The following NEDD9 variants were observed in gnomAD, a reference collection of about 807,000 sequenced individuals.
The protein encoded by NEDD9 is enhancer of filamentation 1.
Under a neutral mutation model 76.6 loss-of-function variants are expected in NEDD9, and 26 were observed. That is an observed-to-expected ratio of 0.34 (90% CI 0.25 to 0.47). NEDD9 has a LOEUF of 0.47. NEDD9 is among the 20% of genes least tolerant of loss of function. The pLI is 1.00. For missense variants in NEDD9, 937 were observed against 1,058.5 expected (o/e 0.89, Z 1.59); for synonymous variants, 392 against 414.2 (o/e 0.95, Z 0.65).
rs553573350 is a variant in NEDD9, at chr6:11,338,904, G to A, written c.-213-4343C>T. On this transcript the variant is annotated intron_variant, in intron 1 of 3. Coordinates refer to the NEDD9 transcript ENST00000397378. ...GCCACTGTACTCCAGCCTGGCGACA[G>A]AGCGAGACTCTGTCTCAAAAAAAAA... Among the ~76,000 whole-genome samples, 4 of 146,976 alleles carry A rather than the reference G, an allele frequency of 2.7e-5. No homozygotes were observed. The East Asian group carries it at 7.9e-4, about 29-fold the overall frequency.
intron 3 of NEDD9, among the ~76,000 whole-genome samples, chr6:11,288,203 C>G (rs939459712): frequency 2.0e-5 from 3 of 152,194 alleles, no homozygotes; most frequent in Non-Finnish European, 4.4e-5. Context: ...GGCGTGTGGC[C>G]TGGGGTGTTG....
In NEDD9 at chr6:11,190,824, G is replaced by C; in HGVS notation, c.1045C>G (p.Leu349Val). 1 of 1,614,182 alleles carries C rather than the reference G, an allele frequency of 6.2e-7. No homozygotes were observed. The highest frequency in any genetic ancestry group is 8.5e-7 in the Non-Finnish European group (1 of 1,180,036). ...CCTTTAGCATCTGGCGGGTTATGCA[G>C]AGGGACATCATAAACACCATCCCTT... is the stretch of plus-strand genomic sequence containing the variant. ...QERDGVYDVP[L>V]HNPPDAKGSR... Residue 349 changes from leucine (L) to valine (V), a missense_variant, in exon 5 of 7, where the codon CTG becomes GTG. Transcript: ENST00000379446. The surrounding 1 kb of genome is among the most constrained non-coding windows in gnomAD (Gnocchi z 5.8).
intron 3 of NEDD9, among the ~76,000 whole-genome samples, chr6:11,267,595 G>A (rs1760223581): frequency 6.6e-6 from 1 of 152,076 alleles, no homozygotes; most frequent in Non-Finnish European, 1.5e-5. Context: ...TATGCTGATT[G>A]CTGCATATAT....
chr6:11,376,948 C>T (rs1422348766), intron 1 of NEDD9, among the ~76,000 whole-genome samples: 1 of 152,232 alleles, frequency 6.6e-6, no homozygotes, highest in Non-Finnish European at 1.5e-5. Context: ...TCAGCCTCAG[C>T]TCAAAGGGGC....
chr6:11,291,475 C>T lies in NEDD9; in HGVS notation c.12+14517G>A, dbSNP rs534223435. On this transcript the variant is annotated intron_variant, in intron 3 of 3. Transcript: ENST00000397378. The stretch of plus-strand genomic sequence containing the variant: ...ATTTTTAGTAGAGACGGGGTTTCAC[C>T]GTAGTAGCCAGGATGGTCTTGATCT... Among the ~76,000 whole-genome samples, 60 of 152,044 alleles carry T rather than the reference C, an allele frequency of 3.9e-4. No individual in the cohort carries two copies. The South Asian group carries it at 0.012, about 30-fold the overall frequency.
chr6:11,362,000 G>T (rs1375930758), intron 1 of NEDD9, among the ~76,000 whole-genome samples: 3 of 152,238 alleles, frequency 2.0e-5, no homozygotes, highest in Non-Finnish European at 4.4e-5. Context: ...TTCATGAATT[G>T]TGCTGTGCTG....
intron 3 of NEDD9, among the ~76,000 whole-genome samples, chr6:11,260,345 T>C (rs1373128387): frequency 6.6e-6 from 1 of 152,188 alleles, no homozygotes; most frequent in Admixed American, 6.5e-5. Flanking sequence ...GTTAAAAACA[T>C]GGTCTTTAGA....
At chr6:11,193,003 G>A (rs1758199074) in intron 3 of NEDD9, among the ~76,000 whole-genome samples, 1 of 139,664 alleles carries the variant, frequency 7.2e-6, no homozygotes, top group Non-Finnish European at 1.5e-5. Flanking sequence ...TTAAAGTGTA[G>A]TTTAAATTTT....
intron 3 of NEDD9, chr6:11,305,209 CT>C: frequency 1.7e-6 from 2 of 1,164,216 alleles, no homozygotes; most frequent in Non-Finnish European, 2.3e-6. Context: ...GGGAATTTAC[CT>C]TTTTTCATTT....
At chr6:11,261,971 T>TC (rs1486040923) in intron 3 of NEDD9, among the ~76,000 whole-genome samples, 1 of 152,212 alleles carries the variant, frequency 6.6e-6, no homozygotes, top group Non-Finnish European at 1.5e-5. Flanking sequence ...AGTGGAAACC[T>TC]CCACCTTAAA....
rs529342298 is a variant in NEDD9 at position 11,213,897 on chromosome 6, A to G, written c.13-170T>C. Among the ~76,000 whole-genome samples the G allele has an allele frequency of 2.0e-5, 3 of 152,224 alleles. No homozygotes were observed. The highest frequency in any genetic ancestry group is 6.5e-5 in the Admixed American group (1 of 15,288). The stretch of plus-strand genomic sequence containing the variant: ...GATGGTGCAGACAAAAGACAGATAC[A>G]TATACACTGCATCTGCCACCAGTGA... On this transcript the variant is annotated intron_variant, in intron 1 of 6. Coordinates refer to ENST00000379446, the MANE Select transcript of NEDD9 (RefSeq NM_006403.4). This position sits in a 1 kb window ranked among gnomAD's most constrained non-coding sequence, Gnocchi z 5.4.
At chr6:11,201,627 CTT>C (rs900850620) in intron 2 of NEDD9, among the ~76,000 whole-genome samples, 2 of 152,082 alleles carry the variant, frequency 1.3e-5, no homozygotes, top group African/African-American at 4.8e-5. Context: ...GCTCTAGTGA[CTT>C]ATTATTATTT....
chr6:11,310,431 A>T (rs994883320), intron 2 of NEDD9, among the ~76,000 whole-genome samples: 1 of 151,900 alleles, frequency 6.6e-6, no homozygotes, highest in Non-Finnish European at 1.5e-5. Flanking sequence ...CCAGCTTTGG[A>T]TGAACTCAAC....
At chr6:11,204,822 G>A (rs911498195) in intron 2 of NEDD9, among the ~76,000 whole-genome samples, 3 of 151,950 alleles carry the variant, frequency 2.0e-5, no homozygotes, top group African/African-American at 7.2e-5. Context: ...CAGTGGTACT[G>A]GAGTCTAGAC....
At chr6:11,379,228 A>G (rs911192082) in intron 1 of NEDD9, among the ~76,000 whole-genome samples, 4 of 151,798 alleles carry the variant, frequency 2.6e-5, no homozygotes, top group African/African-American at 9.7e-5. Context: ...ATCAAACCCC[A>G]TTTTCCAGGG....
chr6:11,200,944 T>G, intron 2 of NEDD9: 1 of 1,614,184 alleles, frequency 6.2e-7, no homozygotes, highest in Non-Finnish European at 8.5e-7. Context: ...GACACTTTAT[T>G]AAAATGCTCA....
intron 1 of NEDD9, among the ~76,000 whole-genome samples, chr6:11,380,268 C>A (rs1328595944): frequency 2.6e-5 from 4 of 152,210 alleles, no homozygotes; most frequent in African/African-American, 9.7e-5. Context: ...CAGAAGTAGA[C>A]CCCAATGCAG....
intron 3 of NEDD9, among the ~76,000 whole-genome samples, chr6:11,295,291 G>C (rs1302245525): frequency 1.3e-5 from 2 of 152,128 alleles, no homozygotes; most frequent in African/African-American, 4.8e-5. Context: ...TGTTATTATT[G>C]TATGAGTGCG....
At chr6:11,324,341 T>G (rs1761876975) in intron 2 of NEDD9, among the ~76,000 whole-genome samples, 1 of 152,170 alleles carries the variant, frequency 6.6e-6, no homozygotes, top group South Asian at 2.1e-4. Context: ...TGCCCTGGAC[T>G]CCTGCTGTGC....
Sources: allele counts gnomAD v4.1 joint callset (sites outside exome capture counted in the v4.1 genomes callset), GRCh38; gene constraint gnomAD v4.1.1; non-coding constraint Gnocchi (gnomAD v3.1); transcripts MANE v1.5; gene names NCBI Gene and HGNC (gene_info 2026-07-23, HGNC 2026-07-21).